Variants in ALS2 observed in about 807,000 individuals in gnomAD.
ALS2 encodes alsin.
In ALS2, 117 loss-of-function variants were observed where a neutral mutation model predicts 203.4. The ratio of observed to expected loss-of-function variants is 0.58; its 90% CI spans 0.50 to 0.67. The LOEUF is 0.67. ALS2 is among the 30% of genes least tolerant of loss of function. The pLI is 0.00. For synonymous variants in ALS2, 718 were observed against 725.9 expected (o/e 0.99, Z 0.17); for missense variants, 1,715 against 1,989.4 (o/e 0.86, Z 2.62).
intron 13 of ALS2, 23 bp downstream of exon 13, chr2:201,733,253 A>C: frequency 6.2e-7 from 1 of 1,613,114 alleles, no homozygotes; most frequent in Non-Finnish European, 8.5e-7. Flanking sequence ...CAAATGTCCA[A>C]AGAGGTATAC....
intron 13 of ALS2, among the ~76,000 whole-genome samples, chr2:201,731,077 T>C (rs937895552): frequency 1.3e-5 from 2 of 152,206 alleles, no homozygotes; most frequent in Admixed American, 1.3e-4. Context: ...CTACACCATG[T>C]AGCGAGGGAG....
At chr2:201,751,799 A>C (rs1428312384) in intron 7 of ALS2, among the ~76,000 whole-genome samples, 1 of 152,184 alleles carries the variant, frequency 6.6e-6, no homozygotes, top group Non-Finnish European at 1.5e-5. Context: ...TAATGACATC[A>C]TTAATACACC....
chr2:201,772,548 G>GA (rs776357404), intron 1 of ALS2, among the ~76,000 whole-genome samples: 33 of 152,278 alleles, frequency 2.2e-4, no homozygotes, highest in Admixed American at 7.8e-4. Context: ...ATATCAGTAT[G>GA]AATAGGGCAG....
At chr2:201,715,640 C>T in intron 25 of ALS2, 32 bp downstream of exon 25, 1 of 1,612,186 alleles carries the variant, frequency 6.2e-7, no homozygotes, top group South Asian at 1.1e-5. Context: ...TCCTAACATG[C>T]TCTGCTGTAT....
In ALS2 at chr2:201,727,163, C is replaced by T. The variant is rs774809386; in HGVS notation, c.2979+49G>A. 3 of 1,431,736 alleles carry T rather than the reference C, an allele frequency of 2.1e-6. No individual in the cohort carries two copies. In the South Asian group the frequency reaches 3.4e-5, roughly 16 times the overall value. The allele number at this position is 1,431,736 out of a possible 1,614,324, so 88.7% of individuals were successfully genotyped here. Reference sequence around the variant, plus strand: ...TATTTCTTCTTTATTACACAAGAGGCAGAAAGAGCCAGGGCGAAGATTGAA... The same window carrying T: ...TATTTCTTCTTTATTACACAAGAGGTAGAAAGAGCCAGGGCGAAGATTGAA... On this transcript the variant is annotated intron_variant, in intron 17 of 33. Transcript: ENST00000264276.
At chr2:201,723,525 G>T in intron 21 of ALS2, 84 bp from the exon 22 acceptor site, 1 of 1,189,166 alleles carries the variant, frequency 8.4e-7, no homozygotes, top group Non-Finnish European at 1.3e-6. Flanking sequence ...GGAGATCCCA[G>T]GCATCAACCC....
At chr2:201,739,465 G>A (rs13014562) in intron 11 of ALS2, among the ~76,000 whole-genome samples, 82,942 of 151,780 alleles carry the variant, frequency 0.55, 25,236 homozygotes, top group Admixed American at 0.7. Flanking sequence ...AGTGAAGGCT[G>A]GGGGCGGTGG....
At chr2:201,769,904 C>T (rs1038982997) in intron 1 of ALS2, among the ~76,000 whole-genome samples, 2 of 152,174 alleles carry the variant, frequency 1.3e-5, no homozygotes, top group Admixed American at 6.5e-5. Flanking sequence ...TGAATTCTTA[C>T]CATTTCCCAT....
At chr2:201,711,844 T>C (rs780871833) in intron 25 of ALS2, among the ~76,000 whole-genome samples, 1 of 88,442 alleles carries the variant, frequency 1.1e-5, no homozygotes, top group Non-Finnish European at 2.3e-5. Context: ...TTCATTCATT[T>C]TCACTTCTCA....
chr2:201,705,113 T>C (rs747080250), intron 31 of ALS2, 26 bp downstream of exon 31: 3 of 1,606,088 alleles, frequency 1.9e-6, no homozygotes, highest in South Asian at 2.2e-5. Flanking sequence ...TTGATTTGTA[T>C]GGCTTTTCAA....
At chr2:201,778,065 T>C (rs764731907) in intron 1 of ALS2, among the ~76,000 whole-genome samples, 13 of 152,064 alleles carry the variant, frequency 8.5e-5, no homozygotes, top group Non-Finnish European at 1.6e-4. Context: ...ATCTTGGCTC[T>C]ACAAAAATTT....
intron 12 of ALS2, among the ~76,000 whole-genome samples, chr2:201,736,223 A>G (rs1691867394): frequency 6.6e-6 from 1 of 152,172 alleles, no homozygotes; most frequent in Non-Finnish European, 1.5e-5. Context: ...TGAAAGTAAA[A>G]GAATGGAAAA....
chr2:201,744,787 CT>C (rs914016481), intron 9 of ALS2, among the ~76,000 whole-genome samples: 1 of 152,142 alleles, frequency 6.6e-6, no homozygotes, highest in African/African-American at 2.4e-5. Context: ...AACAGACCCC[CT>C]GGATATATAA....
chr2:201,713,268 C>T (rs139940094), intron 25 of ALS2, among the ~76,000 whole-genome samples: 248 of 151,758 alleles, frequency 1.6e-3, no homozygotes, highest in Non-Finnish European at 2.3e-3. Flanking sequence ...TCCTAAGTAG[C>T]TGGGATTCAG....
chr2:201,711,792 A>G (rs920327779), intron 25 of ALS2, among the ~76,000 whole-genome samples: 1 of 152,250 alleles, frequency 6.6e-6, no homozygotes, highest in Non-Finnish European at 1.5e-5. Context: ...TTAGATAAAC[A>G]TATAAGATCT....
chr2:201,723,198 A>C, intron 22 of ALS2, 78 bp from the exon 23 acceptor site: 1 of 1,395,206 alleles, frequency 7.2e-7, no homozygotes, highest in Non-Finnish European at 1.0e-6. Flanking sequence ...CATATCCCCA[A>C]AGCCTTATGG....
intron 24 of ALS2, among the ~76,000 whole-genome samples, chr2:201,717,202 C>T (rs1411074544): frequency 1.3e-5 from 2 of 152,064 alleles, no homozygotes; most frequent in East Asian, 1.9e-4. Context: ...CGGTGGCTCA[C>T]ACCTGTAATC....
chr2:201,750,853 T>A (rs1463939909), intron 7 of ALS2, among the ~76,000 whole-genome samples: 1 of 130,614 alleles, frequency 7.7e-6, no homozygotes, highest in African/African-American at 2.8e-5. Context: ...TTCCAATTCC[T>A]TTTTTTTTTT....
At chr2:201,717,966 A>G in intron 24 of ALS2, 111 bp downstream of exon 24, 2 of 1,100,090 alleles carry the variant, frequency 1.8e-6, no homozygotes, top group Non-Finnish European at 2.6e-6. Flanking sequence ...TAAAATAAAA[A>G]AGAAGACTTT....
Sources: gnomAD v4.1 joint callset for allele counts (sites outside exome capture counted in the v4.1 genomes callset) on GRCh38, gnomAD v4.1.1 for gene constraint, MANE v1.5 for transcripts, NCBI Gene and HGNC (gene_info 2026-07-23, HGNC 2026-07-21) for gene names.